FUT9: variants seen among roughly 807,000 people sequenced by gnomAD.
FUT9 encodes fucosyltransferase 9, also known as 4-galactosyl-N-acetylglucosaminide 3-alpha-L-fucosyltransferase 9.
Under a neutral mutation model 29.7 loss-of-function variants are expected in FUT9, and 15 were observed. The observed-to-expected ratio is 0.51, with a 90% CI of 0.34 to 0.78. The LOEUF (loss-of-function observed/expected upper bound fraction) is 0.78, where lower values mean the gene tolerates loss of function less well. FUT9 is among the 30% of genes least tolerant of loss of function. FUT9 has a pLI of 0.01. For synonymous variants in FUT9, 169 were observed against 153.7 expected, an observed-to-expected ratio of 1.10 and a Z score of -0.74; for missense variants, 319 against 425.4, an observed-to-expected ratio of 0.75 and a Z score of 2.20.
chr6:96,050,648 T>C (rs757497676), intron 1 of FUT9, among the ~76,000 whole-genome samples: 11 of 152,226 alleles, frequency 7.2e-5, no homozygotes, highest in African/African-American at 1.9e-4. Context: ...ATAGTTTACA[T>C]ACCACACTTT....
chr6:96,129,214 G>C (rs575699050), intron 2 of FUT9, among the ~76,000 whole-genome samples: 1 of 145,774 alleles, frequency 6.9e-6, no homozygotes, highest in African/African-American at 2.6e-5. Context: ...GCAGTGAGCC[G>C]AGATCACGCC....
At chr6:96,159,075 A>G (rs1026617648) in intron 2 of FUT9, among the ~76,000 whole-genome samples, 1 of 152,196 alleles carries the variant, frequency 6.6e-6, no homozygotes, top group Non-Finnish European at 1.5e-5. Context: ...TGCTTCTTCT[A>G]TTAGTGATTC....
intron 2 of FUT9, among the ~76,000 whole-genome samples, chr6:96,144,882 A>T (rs1772535871): frequency 6.6e-6 from 1 of 152,194 alleles, no homozygotes; most frequent in African/African-American, 2.4e-5. Context: ...ACTGAAAAGA[A>T]AACAAATTAA....
At chr6:96,088,526 TGTTTTGTGTGTGTG>T (rs918969666) in intron 1 of FUT9, among the ~76,000 whole-genome samples, 3 of 120,826 alleles carry the variant, frequency 2.5e-5, no homozygotes, top group Non-Finnish European at 5.0e-5. Context: ...TCTGTTTGTT[TGTTTTGTGTGTGTG>T]TGTGTGTGTG....
intron 2 of FUT9, among the ~76,000 whole-genome samples, chr6:96,194,572 G>A (rs1257863893): frequency 1.3e-5 from 2 of 151,966 alleles, no homozygotes; most frequent in African/African-American, 2.4e-5. Context: ...GGTTAGGTGT[G>A]GATATGAAGG....
At chr6:96,153,027 A>C (rs1772706602) in intron 2 of FUT9, among the ~76,000 whole-genome samples, 1 of 152,220 alleles carries the variant, frequency 6.6e-6, no homozygotes, top group Non-Finnish European at 1.5e-5. Flanking sequence ...CAGAATGTTT[A>C]GGTATGATAG....
At chr6:96,089,587 A>T (rs1771376860) in intron 1 of FUT9, among the ~76,000 whole-genome samples, 1 of 152,200 alleles carries the variant, frequency 6.6e-6, no homozygotes, top group Non-Finnish European at 1.5e-5. Context: ...ACCAAAAAGT[A>T]CAACAATAAT....
intron 1 of FUT9, among the ~76,000 whole-genome samples, chr6:96,033,298 T>C (rs139153454): frequency 2.0e-5 from 3 of 151,748 alleles, no homozygotes; most frequent in African/African-American, 7.2e-5. Flanking sequence ...CTTTTCAGCT[T>C]GTGAGACCTT....
In FUT9 at chr6:96,208,214, T is replaced by A. The variant is rs1415971283; in HGVS notation, c.*3979T>A. 10 of 18,612 alleles carry A rather than the reference T, an allele frequency of 5.4e-4. No homozygotes were observed. The Non-Finnish European group carries it at 0.076, about 141-fold the overall frequency. 1.2% of individuals were successfully genotyped at this position (18,612 alleles called of 1,614,324 possible). A position where few individuals can be genotyped will look rare whatever the true frequency, so the allele number is the denominator to read the frequency against. ...GAATAGGAAACTATGCCTCTGATATTTTTTTTGTCAGCCTATTTTTAAACT... is the reference window on the plus strand; with the variant it reads ...GAATAGGAAACTATGCCTCTGATATATTTTTTGTCAGCCTATTTTTAAACT... On this transcript the variant is annotated 3_prime_UTR_variant, in exon 3 of 3. Coordinates refer to ENST00000302103, the MANE Select transcript of FUT9 (RefSeq NM_006581.4).
At chr6:96,201,446 A>C (rs909556096) in intron 2 of FUT9, among the ~76,000 whole-genome samples, 2 of 151,906 alleles carry the variant, frequency 1.3e-5, no homozygotes, top group African/African-American at 4.8e-5. Context: ...ACTCATTTCA[A>C]ATTTCTGGCC....
chr6:96,191,187 A>G (rs1256967987), intron 2 of FUT9, among the ~76,000 whole-genome samples: 2 of 152,060 alleles, frequency 1.3e-5, no homozygotes, highest in Non-Finnish European at 1.5e-5. Flanking sequence ...TTGCCTGGGT[A>G]TCAGCAGTGG....
At chr6:96,110,632 T>C (rs1018803638) in intron 1 of FUT9, among the ~76,000 whole-genome samples, 1 of 152,052 alleles carries the variant, frequency 6.6e-6, no homozygotes, top group Non-Finnish European at 1.5e-5. Flanking sequence ...CCACCTATTC[T>C]GGCATTTCTC....
At chr6:96,160,142 G>A (rs577420515) in intron 2 of FUT9, among the ~76,000 whole-genome samples, 17 of 152,254 alleles carry the variant, frequency 1.1e-4, no homozygotes, top group African/African-American at 3.8e-4. Context: ...CATTCCCTGT[G>A]TTTCCAACTT....
At chr6:96,169,646 G>T (rs1314758155) in intron 2 of FUT9, among the ~76,000 whole-genome samples, 1 of 151,914 alleles carries the variant, frequency 6.6e-6, no homozygotes, top group Non-Finnish European at 1.5e-5. Flanking sequence ...CGCTCTTTAG[G>T]TTTTTTAAAA....
chr6:96,102,344 A>C (rs1466807848), intron 1 of FUT9, among the ~76,000 whole-genome samples: 1 of 152,184 alleles, frequency 6.6e-6, no homozygotes, highest in Non-Finnish European at 1.5e-5. Context: ...TTTAAAAAAA[A>C]AAGATTATTA....
rs556686920 is a variant in FUT9, at chr6:96,067,877, G to T, written c.-97-46162G>T. ...TTCTTACTTATAAAATATGTAATACGTATGTTTACTTCATAGGATTGTTGT... is the reference window on the plus strand; with the variant it reads ...TTCTTACTTATAAAATATGTAATACTTATGTTTACTTCATAGGATTGTTGT... On this transcript the variant is annotated intron_variant, in intron 1 of 2. Coordinates refer to ENST00000302103, the MANE Select transcript of FUT9 (RefSeq NM_006581.4). Among the ~76,000 whole-genome samples the T allele has an allele frequency of 7.9e-5, 12 of 152,116 alleles. No homozygotes were observed. The South Asian group carries it at 2.3e-3, about 29-fold the overall frequency.
chr6:96,178,924 C>A (rs889798873), intron 2 of FUT9, among the ~76,000 whole-genome samples: 1 of 151,932 alleles, frequency 6.6e-6, no homozygotes, highest in Non-Finnish European at 1.5e-5. Context: ...TGTCCTTTTT[C>A]TTTAAGGATC....
chr6:96,199,847 C>A (rs1479864447), intron 2 of FUT9, among the ~76,000 whole-genome samples: 1 of 152,120 alleles, frequency 6.6e-6, no homozygotes, highest in Non-Finnish European at 1.5e-5. Flanking sequence ...TCATATGAGA[C>A]ATACAGCATT....
At chr6:96,060,739 T>C (rs1223396980) in intron 1 of FUT9, among the ~76,000 whole-genome samples, 1 of 152,082 alleles carries the variant, frequency 6.6e-6, no homozygotes, top group Non-Finnish European at 1.5e-5. Flanking sequence ...GTTTTCACCA[T>C]GTTAGCCAGG....
Sources: gnomAD v4.1 joint callset for allele counts (sites outside exome capture counted in the v4.1 genomes callset) on GRCh38, gnomAD v4.1.1 for gene constraint, MANE v1.5 for transcripts, NCBI Gene and HGNC (gene_info 2026-07-23, HGNC 2026-07-21) for gene names.